The following CFAP57 variants were observed in gnomAD, a reference collection of about 807,000 sequenced individuals.
The protein encoded by CFAP57 is cilia- and flagella-associated protein 57.
Under a neutral mutation model 146.8 loss-of-function variants are expected in CFAP57, and 116 were observed. The observed-to-expected ratio is 0.79, with a 90% confidence interval of 0.68 to 0.92. The LOEUF is 0.92. Ranked by LOEUF, CFAP57 falls within the 40% of genes least tolerant of loss-of-function variation. The probability of loss-of-function intolerance (pLI) is 0.00; values close to 1 mark genes in which losing one functional copy is unlikely to be tolerated. For missense variants in CFAP57, 1,377 were observed against 1,527.2 expected (o/e 0.90, Z 1.64); for synonymous variants, 518 against 552.8 (o/e 0.94, Z 0.88).
rs1025779910 is a variant in CFAP57 at position 43,254,253 on chromosome 1, C to T, written c.*62C>T. ...GAAACACAGCATGTCTGTCCCCAAG[C>T]CAGACTTGCGGTTGGAGTCTGTATG... On this transcript the variant is annotated 3_prime_UTR_variant, in exon 23 of 23. Transcript: ENST00000372492. 4.9e-6 allele frequency: 7 copies of T among 1,441,164 alleles called. No homozygotes were observed. The highest frequency in any genetic ancestry group is 6.5e-6 in the Non-Finnish European group (7 of 1,068,984). The allele number at this position is 1,441,164 out of a possible 1,614,324, so 89.3% of individuals were successfully genotyped here. A position where few individuals can be genotyped will look rare whatever the true frequency, so the allele number is the denominator to read the frequency against.
At position 43,181,774 on chromosome 1, in the gene CFAP57, T is replaced by A; in HGVS notation, c.398T>A (p.Leu133His). 1.2e-6 allele frequency: 2 copies of A among 1,614,210 alleles called. No individual in the cohort carries two copies. The highest frequency in any genetic ancestry group is 8.5e-7 in the Non-Finnish European group (1 of 1,180,034). The change falls in exon 3 of 23, where the codon CTT (leucine) becomes CAT (histidine). Residue 133 changes from leucine to histidine, a missense_variant. Transcript: ENST00000372492. The part of the protein sequence containing the change: ...LAQTSPPESN[L>H]VYWLWEKQKV... ...CAGACGTCACCTCCAGAGTCAAATC[T>A]TGTCTACTGGCTGTGGGAAAAACAG... is the stretch of plus-strand genomic sequence containing the variant.
At position 43,224,069 on chromosome 1, in the gene CFAP57, T is replaced by C; in HGVS notation, c.2730T>C (p.Ile910=). Residue 910 remains isoleucine, a synonymous_variant, in exon 17 of 23, where the codon ATT becomes ATC. Coordinates refer to ENST00000372492, the MANE Select transcript of CFAP57 (RefSeq NM_001378189.1). ...RKKFSSLQKE[I]EERTNDIETL... is the part of the protein sequence containing the mutation. The stretch of plus-strand genomic sequence containing the variant: ...AGTTCAGCAGCCTACAGAAGGAGAT[T>C]GAAGAACGAACCAATGACATCGAGA... 6.4e-7 allele frequency: 1 copy of C among 1,550,466 alleles called. No individual in the cohort carries two copies. The highest frequency in any genetic ancestry group is 8.7e-7 in the Non-Finnish European group (1 of 1,146,968).
rs187149881 is a variant in CFAP57 at position 43,221,447 on chromosome 1, C to T, written c.2323C>T (p.Arg775Trp). ...AGAAGACCTCCTAGACAAGCAAAGC[C>T]GGGAACTGCAGGACATGGGTGAGCC... Reference protein sequence around the residue: ...HIEDLLDKQSRELQDMECCNN... With the variant: ...HIEDLLDKQSWELQDMECCNN... Residue 775 changes from arginine to tryptophan, a missense_variant, in exon 14 of 23, where the codon CGG becomes TGG. By Grantham distance (101) the Arg-to-Trp change is moderately radical. Coordinates refer to ENST00000372492, the MANE Select transcript of CFAP57 (RefSeq NM_001378189.1). The T allele has an allele frequency of 5.7e-5, 87 of 1,535,544 alleles. No homozygotes were observed. Among genetic ancestry groups the T allele is most frequent in the Non-Finnish European group, 7.2e-5 (82 of 1,139,718 alleles).
chr1:43,233,128 A>G (rs917889687), intron 19 of CFAP57, among the ~76,000 whole-genome samples: 1 of 152,204 alleles, frequency 6.6e-6, no homozygotes, highest in Non-Finnish European at 1.5e-5. Flanking sequence ...GGTTTTCTGG[A>G]TGTGGGCCAG....
intron 22 of CFAP57, among the ~76,000 whole-genome samples, chr1:43,251,836 G>A (rs985187974): frequency 6.6e-6 from 1 of 152,230 alleles, no homozygotes; most frequent in East Asian, 1.9e-4. Flanking sequence ...ATAGAGAGAA[G>A]TCAATAGAGA....
intron 10 of CFAP57, 33 bp from the exon 11 acceptor site, chr1:43,209,710 C>G (rs566306937): frequency 6.2e-7 from 1 of 1,602,428 alleles, no homozygotes; most frequent in East Asian, 2.2e-5. Flanking sequence ...ACAGCTCGAC[C>G]CCTCACACTG....
intron 9 of CFAP57, among the ~76,000 whole-genome samples, chr1:43,200,390 G>A (rs1432543455): frequency 2.0e-5 from 3 of 151,700 alleles, no homozygotes; most frequent in Admixed American, 1.3e-4. Context: ...GGGAGGCTGC[G>A]GTGGGAGGAT....
intron 2 of CFAP57, among the ~76,000 whole-genome samples, chr1:43,180,220 A>T (rs1645338733): frequency 7.5e-6 from 1 of 132,478 alleles, no homozygotes; most frequent in African/African-American, 3.2e-5. Context: ...AAATATATAT[A>T]TTTTATATAT....
intron 18 of CFAP57, 100 bp from the exon 19 acceptor site, chr1:43,232,408 G>C (rs903961527): frequency 4.4e-6 from 4 of 905,972 alleles, no homozygotes; most frequent in Non-Finnish European, 6.9e-6. Flanking sequence ...AAATGCCCGG[G>C]TGTCAGGGGT....
At chr1:43,172,945 G>T in intron 2 of CFAP57, 35 bp downstream of exon 2, 1 of 1,592,282 alleles carries the variant, frequency 6.3e-7, no homozygotes, top group Non-Finnish European at 8.6e-7. Flanking sequence ...ATACAGGAAT[G>T]GTATGTGCCA....
At position 43,185,779 on chromosome 1, in the gene CFAP57, G is replaced by A. The variant is rs143293373; in HGVS notation, c.969+423G>A. Among the ~76,000 whole-genome samples the A allele has an allele frequency of 1.6e-4, 25 of 151,946 alleles. No individual in the cohort carries two copies. In the East Asian group the frequency reaches 1.9e-3, roughly 12 times the overall value. Reference sequence around the variant, plus strand: ...CTAAAAATACAAAAATTAGCCAAGCGTGGCAGTGTGTGCCTGTAGTCCCAG... The same window carrying A: ...CTAAAAATACAAAAATTAGCCAAGCATGGCAGTGTGTGCCTGTAGTCCCAG... On this transcript the variant is annotated intron_variant, in intron 5 of 22. Coordinates refer to ENST00000372492, the MANE Select transcript of CFAP57 (RefSeq NM_001378189.1).
intron 22 of CFAP57, among the ~76,000 whole-genome samples, chr1:43,250,988 C>G (rs1646310676): frequency 6.6e-6 from 1 of 152,130 alleles, no homozygotes; most frequent in Non-Finnish European, 1.5e-5. Flanking sequence ...GCAGTTCTTC[C>G]AAGGCAATCA....
intron 22 of CFAP57, among the ~76,000 whole-genome samples, chr1:43,253,345 A>G (rs1037925524): frequency 8.5e-5 from 13 of 152,254 alleles, no homozygotes. Context: ...TGAAAGACCT[A>G]AAGCATGGCA....
intron 21 of CFAP57, 65 bp from the exon 22 acceptor site, chr1:43,243,162 G>T: frequency 6.5e-7 from 1 of 1,527,666 alleles, no homozygotes; most frequent in Non-Finnish European, 8.8e-7. Context: ...GCCCAGGAGG[G>T]TATGCCTTGT....
At chr1:43,210,123 T>G in intron 11 of CFAP57, 1 of 1,609,722 alleles carries the variant, frequency 6.2e-7, no homozygotes, top group East Asian at 2.2e-5. Flanking sequence ...TCATCAGAGA[T>G]ACACCTAAAA....
intron 5 of CFAP57, among the ~76,000 whole-genome samples, chr1:43,186,232 A>ACC (rs1349447438): frequency 6.6e-6 from 1 of 151,946 alleles, no homozygotes; most frequent in Non-Finnish European, 1.5e-5. Context: ...ACAGAGCCAG[A>ACC]CCCTCTCTCA....
chr1:43,200,488 A>G (rs917053120), intron 9 of CFAP57, among the ~76,000 whole-genome samples: 3 of 118,434 alleles, frequency 2.5e-5, no homozygotes, highest in African/African-American at 5.6e-5. Flanking sequence ...ACCCTGTCTG[A>G]AAAAAAAAAA....
At chr1:43,184,950 A>G (rs1310362945) in intron 4 of CFAP57, 199 bp from the exon 5 acceptor site, 4 of 607,664 alleles carry the variant, frequency 6.6e-6, no homozygotes, top group South Asian at 1.8e-5. Flanking sequence ...ACACGCCCCA[A>G]GCACTCTCTT....
intron 2 of CFAP57, among the ~76,000 whole-genome samples, chr1:43,180,214 A>G (rs1462724910): frequency 7.3e-6 from 1 of 136,782 alleles, no homozygotes; most frequent in Non-Finnish European, 1.5e-5. Flanking sequence ...CTCAAAAAAT[A>G]TATATATTTT....
Sources: gnomAD v4.1 joint callset for allele counts (sites outside exome capture counted in the v4.1 genomes callset) on GRCh38, gnomAD v4.1.1 for gene constraint, MANE v1.5 for transcripts, NCBI Gene and HGNC (gene_info 2026-07-23, HGNC 2026-07-21) for gene names.